Variants in ARHGEF28 observed in about 807,000 individuals in gnomAD.
The protein encoded by ARHGEF28 is Rho guanine nucleotide exchange factor 28.
Under a neutral mutation model 206.6 loss-of-function variants are expected in ARHGEF28, and 152 were observed. The ratio of observed to expected loss-of-function variants is 0.74; its 90% CI spans 0.64 to 0.84. ARHGEF28 has a LOEUF of 0.84. ARHGEF28 is among the 40% of genes least tolerant of loss of function. The pLI is 0.00. For missense variants in ARHGEF28, 2,028 were observed against 2,073.2 expected, an observed-to-expected ratio of 0.98 and a Z score of 0.42; for synonymous variants, 763 against 776.4, an observed-to-expected ratio of 0.98 and a Z score of 0.29.
intron 35 of ARHGEF28, among the ~76,000 whole-genome samples, chr5:73,933,917 A>G (rs1351030944): frequency 3.3e-5 from 5 of 150,342 alleles, no homozygotes; most frequent in South Asian, 2.1e-4. Context: ...TTGTCTCATA[A>G]ATGTTTTTTT....
rs550822280 is a variant in ARHGEF28, at chr5:73,901,213, G to A, written c.4003G>A (p.Gly1335Ser). ...SLVTGGREGR[G>S]CSDVDPGIQG... ...AGTCACAGGAGGGAGAGAAGGAAGA[G>A]GCTGTTCGGATGTGGATCCCGGGAT... Residue 1335 changes from glycine to serine, a missense_variant, in exon 31 of 36, where the codon GGC becomes AGC. Gly to Ser is a moderately conservative substitution (Grantham distance 56). Transcript: ENST00000513042. 10 of 1,613,486 alleles carry A rather than the reference G, an allele frequency of 6.2e-6. No individual in the cohort carries two copies. Among genetic ancestry groups the A allele is most frequent in the East Asian group, 2.2e-5 (1 of 44,866 alleles).
intron 33 of ARHGEF28, among the ~76,000 whole-genome samples, chr5:73,907,606 A>G (rs901827688): frequency 1.3e-5 from 2 of 152,244 alleles, no homozygotes; most frequent in African/African-American, 4.8e-5. Flanking sequence ...AGGCATAGAC[A>G]GGGCTAAAAG....
chr5:73,777,222 G>T (rs1372996938), intron 6 of ARHGEF28, among the ~76,000 whole-genome samples: 3 of 151,708 alleles, frequency 2.0e-5, no homozygotes, highest in East Asian at 1.9e-4. Flanking sequence ...CCAGTCTCAG[G>T]GTTTAAAACA....
rs1186367220 is a variant in ARHGEF28 at position 73,775,671 on chromosome 5, T to C, written c.660-845T>C. ...AGAGCTAGTTCTGTGAATTGAGGAA[T>C]CTGGGAACAATCTGGTGGGATGTGA... On this transcript the variant is annotated intron_variant, in intron 5 of 35. Coordinates refer to ENST00000513042, the MANE Select transcript of ARHGEF28 (RefSeq NM_001177693.2). Among the ~76,000 whole-genome samples, 3 of 152,202 alleles carry C rather than the reference T, an allele frequency of 2.0e-5. No homozygotes were observed. The East Asian group carries it at 5.8e-4, about 29-fold the overall frequency.
chr5:73,898,085 C>T lies in ARHGEF28; in HGVS notation c.3965C>T (p.Pro1322Leu), dbSNP rs377510064. The T allele has an allele frequency of 1.1e-5, 17 of 1,611,302 alleles. No individual in the cohort carries two copies. The highest frequency in any genetic ancestry group is 3.3e-5 in the Admixed American group (2 of 59,800). Residue 1322 changes from proline (P) to leucine (L), a missense_variant, in exon 30 of 36, where the codon CCG (proline) becomes CTG (leucine). Around this residue, in one of 3 missense-constraint regions of ARHGEF28, gnomAD observed 803 missense variants for 768.0 expected, o/e 1.05. Transcript: ENST00000513042. ...TLSSHDVPGS[P>L]TASLVTGGRE... ...AGTTCTCATGATGTACCAGGATCAC[C>T]GACTGCCTGTAAGTGAAAATGCAGG...
In ARHGEF28 at chr5:73,897,987, G is replaced by A. The variant is rs1353850629; in HGVS notation, c.3867G>A (p.Lys1289=). The A allele has an allele frequency of 1.3e-6, 2 of 1,589,824 alleles. No individual in the cohort carries two copies. Among genetic ancestry groups the A allele is most frequent in the Non-Finnish European group, 1.7e-6 (2 of 1,167,432 alleles). ...CTGAGAGCCTACAAGTTGCAGTGAA[G>A]GCCTCACAGATGGGCGCCGTGAGTC... is the stretch of plus-strand genomic sequence containing the variant. ...KEAESLQVAV[K]ASQMGAVSQS... is the part of the protein sequence containing the mutation. Residue 1289 remains lysine, a synonymous_variant, in exon 30 of 36, where the codon AAG becomes AAA. Transcript: ENST00000513042.
At chr5:73,871,719 T>G (rs1326341669) in intron 21 of ARHGEF28, among the ~76,000 whole-genome samples, 1 of 152,222 alleles carries the variant, frequency 6.6e-6, no homozygotes, top group Non-Finnish European at 1.5e-5. Flanking sequence ...TCAGAACATC[T>G]TCATCACTTC....
At chr5:73,857,557 A>T in intron 14 of ARHGEF28, 99 bp from the exon 15 acceptor site, 1 of 1,198,906 alleles carries the variant, frequency 8.3e-7, no homozygotes, top group Non-Finnish European at 1.1e-6. Flanking sequence ...ACACATACAT[A>T]TATGTGTACA....
At chr5:73,721,562 T>A (rs1339235148) in intron 2 of ARHGEF28, among the ~76,000 whole-genome samples, 1 of 152,142 alleles carries the variant, frequency 6.6e-6, no homozygotes, top group Non-Finnish European at 1.5e-5. Flanking sequence ...TGAAATTGGC[T>A]TATTAGGCTA....
chr5:73,802,861 G>A (rs1318162899), intron 9 of ARHGEF28, among the ~76,000 whole-genome samples: 2 of 144,104 alleles, frequency 1.4e-5, no homozygotes, highest in African/African-American at 5.2e-5. Flanking sequence ...TGGCCAGCAA[G>A]CTCGATTGCT....
chr5:73,901,209 A>G lies in ARHGEF28; in HGVS notation c.3999A>G (p.Gly1333=), dbSNP rs997525420. 6.2e-7 allele frequency: 1 copy of G among 1,613,394 alleles called. No homozygotes were observed. The highest frequency in any genetic ancestry group is 8.5e-7 in the Non-Finnish European group (1 of 1,179,626). Reference sequence around the variant, plus strand: ...CATTAGTCACAGGAGGGAGAGAAGGAAGAGGCTGTTCGGATGTGGATCCCG... The same window carrying G: ...CATTAGTCACAGGAGGGAGAGAAGGGAGAGGCTGTTCGGATGTGGATCCCG... ...TASLVTGGRE[G]RGCSDVDPGI... Residue 1333 remains glycine (G), a synonymous_variant, in exon 31 of 36, where the codon GGA becomes GGG. Transcript: ENST00000513042.
chr5:73,662,822 T>C (rs911512054), intron 1 of ARHGEF28, among the ~76,000 whole-genome samples: 1 of 152,230 alleles, frequency 6.6e-6, no homozygotes, highest in Admixed American at 6.5e-5. Flanking sequence ...TTTCCTAGAA[T>C]GTAGGAACCT....
chr5:73,848,477 G>A (rs530659219), intron 12 of ARHGEF28, among the ~76,000 whole-genome samples: 11 of 152,184 alleles, frequency 7.2e-5, no homozygotes, highest in South Asian at 2.1e-4. Flanking sequence ...TTCCCTAAAT[G>A]TTGCAGCTAA....
intron 22 of ARHGEF28, among the ~76,000 whole-genome samples, chr5:73,877,610 T>C (rs879545480): frequency 0.013 from 2,002 of 148,312 alleles, 41 homozygotes; most frequent in African/African-American, 0.048. Flanking sequence ...CCAGAGATTC[T>C]GGTATGTTGT....
At chr5:73,693,181 G>A (rs1386732213) in intron 2 of ARHGEF28, among the ~76,000 whole-genome samples, 2 of 152,096 alleles carry the variant, frequency 1.3e-5, no homozygotes, top group Non-Finnish European at 1.5e-5. Context: ...CAATAAGCCT[G>A]GGGTTTTCCG....
intron 10 of ARHGEF28, among the ~76,000 whole-genome samples, chr5:73,839,729 G>A (rs1021288984): frequency 6.6e-6 from 1 of 152,092 alleles, no homozygotes; most frequent in Non-Finnish European, 1.5e-5. Context: ...CTTACCTGCT[G>A]GATTTGCTGT....
chr5:73,655,701 G>T (rs914252613), intron 1 of ARHGEF28, among the ~76,000 whole-genome samples: 9 of 152,162 alleles, frequency 5.9e-5, no homozygotes, highest in Non-Finnish European at 1.0e-4. Context: ...GGCACAGCAG[G>T]GTTGGGCTGG....
At chr5:73,668,424 A>G (rs981704590) in intron 1 of ARHGEF28, among the ~76,000 whole-genome samples, 2 of 152,234 alleles carry the variant, frequency 1.3e-5, no homozygotes, top group African/African-American at 4.8e-5. Context: ...GAATGGCAAG[A>G]GAGCATGACA....
At chr5:73,866,223 A>G (rs1209409597) in intron 18 of ARHGEF28, among the ~76,000 whole-genome samples, 1 of 152,204 alleles carries the variant, frequency 6.6e-6, no homozygotes, top group Non-Finnish European at 1.5e-5. Context: ...TGTGTGTACC[A>G]TATGATCTTT....
Sources: allele counts gnomAD v4.1 joint callset (sites outside exome capture counted in the v4.1 genomes callset), GRCh38; gene constraint gnomAD v4.1.1; regional missense constraint gnomAD v4.1.1; transcripts MANE v1.5; gene names NCBI Gene and HGNC (gene_info 2026-07-23, HGNC 2026-07-21).